The following SKAP1 variants were observed in gnomAD, a reference collection of about 807,000 sequenced individuals.
The protein encoded by SKAP1 is src kinase associated phosphoprotein 1.
A neutral mutation model predicts 58.5 loss-of-function variants in SKAP1; 44 were observed. The observed-to-expected ratio is 0.75, with a 90% CI of 0.59 to 0.97. The LOEUF is 0.97. SKAP1 is among the 50% of genes least tolerant of loss of function. SKAP1 has a pLI of 0.00. For missense variants in SKAP1, 390 were observed against 435.2 expected, an observed-to-expected ratio of 0.90 and a Z score of 0.92; for synonymous variants, 127 against 149.7, an observed-to-expected ratio of 0.85 and a Z score of 1.11.
At chr17:48,264,490 G>A (rs527706179) in intron 4 of SKAP1, among the ~76,000 whole-genome samples, 2 of 152,134 alleles carry the variant, frequency 1.3e-5, no homozygotes, top group South Asian at 4.1e-4. Flanking sequence ...AGTAACTTTG[G>A]TCTTATTATT....
intron 4 of SKAP1, among the ~76,000 whole-genome samples, chr17:48,302,009 G>T (rs2066064608): frequency 6.6e-6 from 1 of 152,084 alleles, no homozygotes; most frequent in African/African-American, 2.4e-5. Flanking sequence ...TTGATTTTCT[G>T]TTGAGATTAT....
At chr17:48,363,848 G>T in intron 2 of SKAP1, 34 bp from the exon 3 acceptor site, 1 of 1,591,976 alleles carries the variant, frequency 6.3e-7, no homozygotes, top group Non-Finnish European at 8.6e-7. Context: ...AAGGGAATAA[G>T]TCAAACTTGT....
At chr17:48,365,576 T>C (rs1422698471) in intron 2 of SKAP1, among the ~76,000 whole-genome samples, 1 of 152,152 alleles carries the variant, frequency 6.6e-6, no homozygotes, top group African/African-American at 2.4e-5. Flanking sequence ...TCCCGTCACA[T>C]CACAGTGACA....
At chr17:48,321,660 G>T (rs1252596720) in intron 4 of SKAP1, among the ~76,000 whole-genome samples, 1 of 152,082 alleles carries the variant, frequency 6.6e-6, no homozygotes, top group African/African-American at 2.4e-5. Flanking sequence ...TTACAGGCGT[G>T]AGCCACCGCG....
At chr17:48,316,367 A>G (rs149408218) in intron 4 of SKAP1, among the ~76,000 whole-genome samples, 159 of 152,212 alleles carry the variant, frequency 1.0e-3, no homozygotes, top group African/African-American at 3.7e-3. Flanking sequence ...TGCATCTGCT[A>G]TTCCCTGTGT....
At chr17:48,257,966 C>CA (rs1473436914) in intron 4 of SKAP1, among the ~76,000 whole-genome samples, 1 of 151,974 alleles carries the variant, frequency 6.6e-6, no homozygotes, top group South Asian at 2.1e-4. Context: ...ATGAGAAAAG[C>CA]GACCCAACAT....
At chr17:48,368,382 T>G (rs997503557) in intron 2 of SKAP1, among the ~76,000 whole-genome samples, 1 of 152,212 alleles carries the variant, frequency 6.6e-6, no homozygotes, top group African/African-American at 2.4e-5. Flanking sequence ...AATTCTCTGT[T>G]AGCCAGAGAG....
intron 10 of SKAP1, among the ~76,000 whole-genome samples, chr17:48,166,215 T>G (rs978211605): frequency 1.3e-5 from 2 of 152,224 alleles, no homozygotes; most frequent in African/African-American, 2.4e-5. Flanking sequence ...CTTACTCTCT[T>G]TATCCTATGT....
chr17:48,358,630 T>A (rs1231232428), intron 3 of SKAP1, among the ~76,000 whole-genome samples: 1 of 152,212 alleles, frequency 6.6e-6, no homozygotes, highest in African/African-American at 2.4e-5. Flanking sequence ...AGTGTTCAGC[T>A]ATAATGAATG....
chr17:48,321,966 T>C (rs1007611271), intron 4 of SKAP1, among the ~76,000 whole-genome samples: 8 of 152,260 alleles, frequency 5.3e-5, no homozygotes, highest in Non-Finnish European at 1.2e-4. Flanking sequence ...TGTTCCTACC[T>C]GTGCAGCCTA....
At chr17:48,253,593 A>G (rs940824920) in intron 4 of SKAP1, among the ~76,000 whole-genome samples, 1 of 152,128 alleles carries the variant, frequency 6.6e-6, no homozygotes, top group Admixed American at 6.5e-5. Context: ...TGGCTACAGG[A>G]TACTTCTCTT....
chr17:48,285,929 T>C (rs1390991495), intron 4 of SKAP1, among the ~76,000 whole-genome samples: 2 of 152,228 alleles, frequency 1.3e-5, no homozygotes, highest in Non-Finnish European at 2.9e-5. Context: ...TCCACATTGA[T>C]GAAATGGGCA....
At chr17:48,335,037 C>T (rs574014887) in intron 4 of SKAP1, among the ~76,000 whole-genome samples, 24 of 151,900 alleles carry the variant, frequency 1.6e-4, no homozygotes, top group African/African-American at 4.8e-4. Flanking sequence ...ACTTCACCTG[C>T]GACTGACCCC....
chr17:48,399,771 A>C (rs533968031), intron 1 of SKAP1, among the ~76,000 whole-genome samples: 1 of 151,778 alleles, frequency 6.6e-6, no homozygotes, highest in East Asian at 1.9e-4. Flanking sequence ...TCAAAAAAAA[A>C]AAAAAATTAA....
At chr17:48,153,906 A>G (rs1010291554) in intron 11 of SKAP1, among the ~76,000 whole-genome samples, 5 of 151,998 alleles carry the variant, frequency 3.3e-5, no homozygotes, top group South Asian at 4.2e-4. Context: ...AAAAAAAAAA[A>G]AAAAAGAAAA....
chr17:48,426,985 T>G (rs759879265), intron 1 of SKAP1, among the ~76,000 whole-genome samples: 1 of 152,196 alleles, frequency 6.6e-6, no homozygotes, highest in East Asian at 1.9e-4. Flanking sequence ...CCTTTTTCTT[T>G]TAAATACCCT....
intron 4 of SKAP1, among the ~76,000 whole-genome samples, chr17:48,219,646 T>A (rs1261777261): frequency 1.3e-5 from 2 of 152,166 alleles, no homozygotes; most frequent in Non-Finnish European, 2.9e-5. Flanking sequence ...AAATTCTGGG[T>A]TTTTTCCTCT....
At chr17:48,165,489 C>G (rs1302575272) in intron 10 of SKAP1, among the ~76,000 whole-genome samples, 1 of 151,380 alleles carries the variant, frequency 6.6e-6, no homozygotes, top group African/African-American at 2.4e-5. Flanking sequence ...CAACCTCTGC[C>G]TCCTGGGTTC....
At chr17:48,323,518 A>C (rs2066395012) in intron 4 of SKAP1, among the ~76,000 whole-genome samples, 1 of 152,160 alleles carries the variant, frequency 6.6e-6, no homozygotes, top group Admixed American at 6.5e-5. Flanking sequence ...CCAAGGCATT[A>C]TGATAGAAAG....
Sources: allele counts gnomAD v4.1 joint callset (sites outside exome capture counted in the v4.1 genomes callset), GRCh38; gene constraint gnomAD v4.1.1; transcripts MANE v1.5; gene names NCBI Gene and HGNC (gene_info 2026-07-23, HGNC 2026-07-21).